The following KLHL4 variants were observed in gnomAD, a reference collection of about 807,000 sequenced individuals.
KLHL4 encodes the protein kelch-like protein 4.
In KLHL4, 17 loss-of-function variants were observed where a neutral mutation model predicts 45.8. The ratio of observed to expected loss-of-function variants is 0.37; its 90% CI spans 0.25 to 0.56. The LOEUF is 0.56. Ranked by LOEUF, KLHL4 falls within the 20% of genes least tolerant of loss-of-function variation. KLHL4 has a pLI of 0.79. For missense variants in KLHL4, 544 were observed against 544.9 expected (o/e 1.00, Z 0.02); for synonymous variants, 224 against 189.9 (o/e 1.18, Z -1.47).
intron 1 of KLHL4, among the ~76,000 whole-genome samples, chrX:87,533,232 C>T (rs1931343500): frequency 2.8e-5 from 3 of 107,489 alleles, no homozygotes; most frequent in African/African-American, 6.8e-5. Flanking sequence ...ATAAATCATG[C>T]TGCTATAAAG....
At chrX:87,542,663 C>G (rs1228347171) in intron 1 of KLHL4, among the ~76,000 whole-genome samples, 1 of 112,322 alleles carries the variant, frequency 8.9e-6, no homozygotes, top group African/African-American at 3.2e-5. Flanking sequence ...AACATTTACT[C>G]AATTACTGCA....
At chrX:87,626,558 G>A (rs1037835074) in intron 6 of KLHL4, among the ~76,000 whole-genome samples, 3 of 109,258 alleles carry the variant, frequency 2.7e-5, no homozygotes, top group Admixed American at 9.8e-5. Context: ...TTACACTGCC[G>A]TTGTGAAATT....
At chrX:87,624,592 T>C (rs781041295) in intron 5 of KLHL4, among the ~76,000 whole-genome samples, 3 of 111,420 alleles carry the variant, frequency 2.7e-5, no homozygotes, top group Non-Finnish European at 5.6e-5. Flanking sequence ...AGATTGCCTC[T>C]TCTATTCCAG....
At chrX:87,624,551 G>A (rs938052934) in intron 5 of KLHL4, among the ~76,000 whole-genome samples, 1 of 111,458 alleles carries the variant, frequency 9.0e-6, no homozygotes, top group Non-Finnish European at 1.9e-5. Context: ...CACATGAAGA[G>A]CAGGAAAATT....
intron 1 of KLHL4, among the ~76,000 whole-genome samples, chrX:87,543,065 C>T (rs1303333850): frequency 1.8e-5 from 2 of 110,995 alleles, no homozygotes; most frequent in Non-Finnish European, 3.8e-5. Flanking sequence ...TGCATTCTCT[C>T]TCTCTCCTGC....
intron 1 of KLHL4, among the ~76,000 whole-genome samples, chrX:87,551,115 A>G (rs1433154112): frequency 9.0e-6 from 1 of 110,581 alleles, no homozygotes. Context: ...AAAACCCTAA[A>G]GACTCCTCCA....
At chrX:87,551,209 A>G (rs1410285454) in intron 1 of KLHL4, among the ~76,000 whole-genome samples, 1 of 110,975 alleles carries the variant, frequency 9.0e-6, no homozygotes, top group Non-Finnish European at 1.9e-5. Context: ...TCTTCTATAC[A>G]CTAACAGTGA....
intron 1 of KLHL4, among the ~76,000 whole-genome samples, chrX:87,574,544 G>T (rs905226092): frequency 9.0e-6 from 1 of 111,698 alleles, no homozygotes; most frequent in African/African-American, 3.2e-5. Context: ...GCATGCCATA[G>T]AATTCACCTA....
chrX:87,569,262 T>C (rs1234310590), intron 1 of KLHL4, among the ~76,000 whole-genome samples: 1 of 111,466 alleles, frequency 9.0e-6, no homozygotes, highest in African/African-American at 3.2e-5. Context: ...AAAACCATAA[T>C]GAAATAACAA....
chrX:87,536,370 G>A (rs1407111317), intron 1 of KLHL4, among the ~76,000 whole-genome samples: 1 of 110,527 alleles, frequency 9.0e-6, no homozygotes, highest in African/African-American at 3.3e-5. Flanking sequence ...TCTTCTTTAA[G>A]CCAAATTGTC....
chrX:87,636,483 A>T (rs1457486842), intron 9 of KLHL4, among the ~76,000 whole-genome samples: 1 of 111,766 alleles, frequency 8.9e-6, no homozygotes, highest in Non-Finnish European at 1.9e-5. Context: ...GAATCCACAG[A>T]CCCTCTGAGG....
At chrX:87,610,031 T>C (rs1393506527) in intron 1 of KLHL4, among the ~76,000 whole-genome samples, 1 of 111,675 alleles carries the variant, frequency 9.0e-6, no homozygotes, top group Non-Finnish European at 1.9e-5. Flanking sequence ...GTCAAAACTA[T>C]ATCAAGGATA....
chrX:87,585,375 C>A (rs995313185), intron 1 of KLHL4, among the ~76,000 whole-genome samples: 1 of 111,536 alleles, frequency 9.0e-6, no homozygotes, highest in African/African-American at 3.2e-5. Context: ...GTAAACTACT[C>A]TTAATTAGAA....
At chrX:87,641,921 T>C (rs1399732522) in intron 9 of KLHL4, among the ~76,000 whole-genome samples, 1 of 107,710 alleles carries the variant, frequency 9.3e-6, no homozygotes, top group East Asian at 3.0e-4. Flanking sequence ...CAGACATGCC[T>C]AGCCCCACCC....
At chrX:87,608,534 A>C (rs1477870357) in intron 1 of KLHL4, among the ~76,000 whole-genome samples, 1 of 109,791 alleles carries the variant, frequency 9.1e-6, no homozygotes, top group Non-Finnish European at 1.9e-5. Flanking sequence ...TTGCATTTCT[A>C]TAAAGGAATA....
At chrX:87,537,475 T>C (rs1400791993) in intron 1 of KLHL4, among the ~76,000 whole-genome samples, 1 of 111,084 alleles carries the variant, frequency 9.0e-6, no homozygotes, top group Non-Finnish European at 1.9e-5. Context: ...AAAGTTTCAA[T>C]ACTATTTAAC....
intron 9 of KLHL4, among the ~76,000 whole-genome samples, chrX:87,658,641 G>T (rs1006259718): frequency 9.0e-6 from 1 of 111,380 alleles, no homozygotes; most frequent in Admixed American, 9.5e-5. Flanking sequence ...CACAGCACAG[G>T]CTGCTGCCAC....
At chrX:87,652,893 G>T (rs889983379) in intron 9 of KLHL4, among the ~76,000 whole-genome samples, 22 of 111,983 alleles carry the variant, frequency 2.0e-4, no homozygotes, top group Non-Finnish European at 7.5e-5. Flanking sequence ...CCCAAGACTG[G>T]GAAGAAAAAG....
rs1383606861 is a variant in KLHL4 at position 87,647,552 on chromosome X, AT to A, written c.1925+11778del. ...GGGATATATGGAATACTACTCAGAC[AT>A]AAAAAGGAATGAAATAATGGCATTC... On this transcript the variant is annotated intron_variant, in intron 9 of 10. Coordinates refer to ENST00000373119, the MANE Select transcript of KLHL4 (RefSeq NM_019117.5). 2.7e-5 allele frequency among the ~76,000 whole-genome samples: 3 copies of A among 112,398 alleles called. No homozygotes were observed. In the East Asian group the frequency reaches 8.3e-4, roughly 31 times the overall value.
Sources: gnomAD v4.1 joint callset for allele counts (sites outside exome capture counted in the v4.1 genomes callset) on GRCh38, gnomAD v4.1.1 for gene constraint, MANE v1.5 for transcripts, NCBI Gene and HGNC (gene_info 2026-07-23, HGNC 2026-07-21) for gene names.